AGL: variants seen among roughly 807,000 people sequenced by gnomAD.
AGL encodes glycogen debranching enzyme.
A neutral mutation model predicts 199.3 loss-of-function variants in AGL; 128 were observed. That is an observed-to-expected ratio of 0.64 (90% CI 0.56 to 0.74). AGL has a LOEUF of 0.74. AGL is among the 30% of genes least tolerant of loss of function. AGL has a pLI of 0.00. For synonymous variants in AGL, 584 were observed against 594.7 expected, an observed-to-expected ratio of 0.98 and a Z score of 0.26; for missense variants, 1,809 against 1,820.8, an observed-to-expected ratio of 0.99 and a Z score of 0.12.
chr1:99,870,817 C>T lies in AGL; in HGVS notation c.906C>T (p.Phe302=), dbSNP rs1650930270. ...IFPKLKLWEF[F]QVDVNKAVEQ... ...CAAAGCTTAAACTCTGGGAATTTTT[C>T]CAAGTAGATGTCAACAAAGCGGTTG... The change falls in exon 7 of 34, where the codon TTC becomes TTT. Residue 302 remains phenylalanine, a synonymous_variant. Coordinates refer to ENST00000361915, the MANE Select transcript of AGL (RefSeq NM_000642.3). 1.9e-6 allele frequency: 3 copies of T among 1,611,622 alleles called. No homozygotes were observed.
rs545922264 is a variant in AGL, at chr1:99,907,072, T to G, written c.3701-3640T>G. On this transcript the variant is annotated intron_variant, in intron 27 of 33. Transcript: ENST00000361915. ...CCATCCTAATGGGTGTGAGGTGATA[T>G]CCCATTCTGGTTTTGATTTGCATTT... is the stretch of plus-strand genomic sequence containing the variant. Among the ~76,000 whole-genome samples, 33 of 152,330 alleles carry G rather than the reference T, an allele frequency of 2.2e-4. 1 individual carries two copies. The South Asian group carries it at 5.2e-3, about 24-fold the overall frequency.
At chr1:99,867,550 A>G (rs995255720) in intron 5 of AGL, among the ~76,000 whole-genome samples, 1 of 147,742 alleles carries the variant, frequency 6.8e-6, no homozygotes, top group Non-Finnish European at 1.5e-5. Context: ...TTTTTTTTTA[A>G]TTTTTTTTTC....
At position 99,861,483 on chromosome 1, in the gene AGL, A is replaced by C; in HGVS notation, c.83-20A>C. On this transcript the variant is annotated intron_variant, in intron 2 of 33. Coordinates refer to ENST00000361915, the MANE Select transcript of AGL (RefSeq NM_000642.3). The stretch of plus-strand genomic sequence containing the variant: ...ATTTAAGTCCTACGATGAGTTTATT[A>C]ACATGTGCTTTTTATTTAGGGTATG... 6.2e-7 allele frequency: 1 copy of C among 1,613,666 alleles called. No individual in the cohort carries two copies. Among genetic ancestry groups the C allele is most frequent in the Non-Finnish European group, 8.5e-7 (1 of 1,179,674 alleles).
At chr1:99,891,808 A>T in intron 23 of AGL, 69 bp downstream of exon 23, 1 of 1,586,564 alleles carries the variant, frequency 6.3e-7, no homozygotes, top group South Asian at 1.1e-5. Flanking sequence ...CACTTCATAC[A>T]TGTTCTTAAA....
chr1:99,861,778 C>A, intron 3 of AGL, 65 bp downstream of exon 3: 1 of 1,554,796 alleles, frequency 6.4e-7, no homozygotes, highest in Non-Finnish European at 8.9e-7. Flanking sequence ...AGTCACCTAA[C>A]TTGTAAATGT....
intron 31 of AGL, 36 bp from the exon 32 acceptor site, chr1:99,916,374 A>T: frequency 3.4e-6 from 5 of 1,456,926 alleles, no homozygotes; most frequent in Non-Finnish European, 4.8e-6. Flanking sequence ...ATATCTGATC[A>T]TCTTTTATTT....
intron 28 of AGL, among the ~76,000 whole-genome samples, chr1:99,911,510 A>T (rs1207780411): frequency 6.6e-6 from 1 of 152,098 alleles, no homozygotes; most frequent in East Asian, 1.9e-4. Context: ...TAGCACAATC[A>T]TGGCTCACTG....
intron 5 of AGL, among the ~76,000 whole-genome samples, chr1:99,868,475 G>A (rs1369923766): frequency 1.3e-5 from 2 of 152,010 alleles, no homozygotes; most frequent in African/African-American, 4.8e-5. Flanking sequence ...AGCCGGGCAT[G>A]GTGGTGGGCG....
intron 11 of AGL, among the ~76,000 whole-genome samples, chr1:99,877,115 C>T (rs1251372124): frequency 1.3e-5 from 2 of 152,104 alleles, no homozygotes; most frequent in East Asian, 3.8e-4. Context: ...TATTTTTTAA[C>T]ATTTCGAAAC....
At chr1:99,898,398 T>C (rs968158441) in intron 25 of AGL, among the ~76,000 whole-genome samples, 4 of 152,146 alleles carry the variant, frequency 2.6e-5, no homozygotes, top group Non-Finnish European at 4.4e-5. Flanking sequence ...GAAGAAAGCA[T>C]GTGCAACAGA....
chr1:99,864,433 A>G lies in AGL; in HGVS notation c.508A>G (p.Arg170Gly), dbSNP rs1454782419. The change falls in exon 5 of 34, where the codon AGG becomes GGG. Residue 170 changes from arginine (R) to glycine (G), a missense_variant. Arg to Gly is a moderately radical substitution (Grantham distance 125). Transcript: ENST00000361915. The part of the protein sequence containing the change: ...FTPLQTLGLS[R>G]SCYSLANQLE... ...CCCATTGCAGACTCTTGGACTATCT[A>G]GGTCATGCTACTCCCTTGCCAATCA... The G allele has an allele frequency of 1.2e-6, 2 of 1,613,828 alleles. No homozygotes were observed. The highest frequency in any genetic ancestry group is 2.7e-5 in the African/African-American group (2 of 74,922).
intron 21 of AGL, 125 bp from the exon 22 acceptor site, chr1:99,891,095 T>C: frequency 8.6e-7 from 1 of 1,162,394 alleles, no homozygotes. Flanking sequence ...GTAGCCCTTG[T>C]GTGTGCCTCT....
chr1:99,921,515 T>C lies in AGL; in HGVS notation c.4482-19T>C, dbSNP rs370127763. The stretch of plus-strand genomic sequence containing the variant: ...TGAATTAAATTATGTCTTTGTAAAA[T>C]GTCTTTTCTTTCATTCAGATCCCCT... On this transcript the variant is annotated intron_variant, in intron 33 of 33. Coordinates refer to ENST00000361915, the MANE Select transcript of AGL (RefSeq NM_000642.3). 5.2e-6 allele frequency: 8 copies of C among 1,530,860 alleles called. No homozygotes were observed. The highest frequency in any genetic ancestry group is 3.3e-5 in the Admixed American group (2 of 59,786). 94.8% of individuals were successfully genotyped at this position (1,530,860 alleles called of 1,614,324 possible).
At chr1:99,868,905 A>G (rs540865469) in intron 5 of AGL, among the ~76,000 whole-genome samples, 10 of 151,314 alleles carry the variant, frequency 6.6e-5, no homozygotes, top group African/African-American at 2.2e-4. Context: ...GTTCATTGCA[A>G]CCTCCACTTA....
rs1319495214 is a variant in AGL at position 99,880,752 on chromosome 1, C to T, written c.1856C>T (p.Ala619Val). 1 of 1,614,000 alleles carries T rather than the reference C, an allele frequency of 6.2e-7. No individual in the cohort carries two copies. The highest frequency in any genetic ancestry group is 1.3e-5 in the African/African-American group (1 of 75,012). Residue 619 changes from alanine (A) to valine (V), a missense_variant, in exon 14 of 34, where the codon GCC becomes GTC. Coordinates refer to ENST00000361915, the MANE Select transcript of AGL (RefSeq NM_000642.3). ...LRPLMPAIAH[A>V]LFMDITHDNE... ...CCTTTAATGCCAGCTATTGCACATG[C>T]CCTGTTTATGGATATTACGCATGAT... is the stretch of plus-strand genomic sequence containing the variant.
chr1:99,879,405 A>G lies in AGL; in HGVS notation c.1612-518A>G, dbSNP rs539293644. Among the ~76,000 whole-genome samples the G allele has an allele frequency of 2.0e-5, 3 of 152,138 alleles. No homozygotes were observed. In the South Asian group the frequency reaches 6.2e-4, roughly 32 times the overall value. On this transcript the variant is annotated intron_variant, in intron 12 of 33. Coordinates refer to ENST00000361915, the MANE Select transcript of AGL (RefSeq NM_000642.3). ...TTTGCAACCAGCCTGACCAACATGG[A>G]GAAACCCCATCTCTACTAAAAATAC...
intron 2 of AGL, among the ~76,000 whole-genome samples, chr1:99,856,301 TTCCTTCCTCCCTCCCTCCCTTCCTTCC>T (rs1649412211): frequency 1.9e-5 from 1 of 52,270 alleles, no homozygotes; most frequent in Non-Finnish European, 4.5e-5. Context: ...CATCCCTTCC[TTCCTTCCTCCCTCCCTCCCTTCCTTCC>T]TCCCTCCCTC....
chr1:99,850,213 AGCTGCCTCGGC>A (rs1409243011), upstream of AGL: 11 of 152,450 alleles, frequency 7.2e-5, no homozygotes, highest in Admixed American at 6.5e-4. Flanking sequence ...CTTCTCACCC[AGCTGCCTCGGC>A]GCTGCCCCGG....
At chr1:99,858,276 A>G (rs1050035269) in intron 2 of AGL, among the ~76,000 whole-genome samples, 4 of 152,244 alleles carry the variant, frequency 2.6e-5, no homozygotes, top group African/African-American at 4.8e-5. Flanking sequence ...ATTAGATAGT[A>G]TGATACTTAG....
Sources: allele counts gnomAD v4.1 joint callset (sites outside exome capture counted in the v4.1 genomes callset), GRCh38; gene constraint gnomAD v4.1.1; transcripts MANE v1.5; gene names NCBI Gene and HGNC (gene_info 2026-07-23, HGNC 2026-07-21).